Variants in PCDH15 observed in about 807,000 individuals in gnomAD.
PCDH15 encodes protocadherin-15.
In PCDH15, 129 loss-of-function variants were observed where a neutral mutation model predicts 178.5. The ratio of observed to expected loss-of-function variants is 0.72; its 90% CI spans 0.63 to 0.84. PCDH15 has a LOEUF of 0.84. Among genes scored for constraint, PCDH15 ranks in the 40% least tolerant of loss-of-function variants. The pLI is 0.00. For synonymous variants in PCDH15, 800 were observed against 732.0 expected (o/e 1.09, Z -1.50); for missense variants, 2,230 against 2,099.9 (o/e 1.06, Z -1.21).
chr10:55,458,777 A>G (rs1206933197), intron 2 of PCDH15, among the ~76,000 whole-genome samples: 1 of 152,090 alleles, frequency 6.6e-6, no homozygotes, highest in African/African-American at 2.4e-5. Flanking sequence ...TTCTTCATTC[A>G]TTAATCAAAG....
At chr10:54,304,523 A>C (rs1465973757) in intron 8 of PCDH15, among the ~76,000 whole-genome samples, 1 of 152,106 alleles carries the variant, frequency 6.6e-6, no homozygotes, top group Non-Finnish European at 1.5e-5. Context: ...TGTCCAAGGG[A>C]TAGGAAAAAA....
intron 9 of PCDH15, among the ~76,000 whole-genome samples, chr10:54,231,561 T>A (rs12250056): frequency 0.055 from 8,314 of 152,170 alleles, 563 homozygotes; most frequent in African/African-American, 0.17. Flanking sequence ...AGGCAACTAT[T>A]CTCCAGACCC....
At chr10:55,620,997 T>A (rs1843579823) in intron 2 of PCDH15, among the ~76,000 whole-genome samples, 1 of 151,776 alleles carries the variant, frequency 6.6e-6, no homozygotes, top group Non-Finnish European at 1.5e-5. Flanking sequence ...CATAATGCAT[T>A]AGTAAAAACT....
intron 1 of PCDH15, among the ~76,000 whole-genome samples, chr10:55,228,679 AGC>A (rs1206392613): frequency 6.6e-6 from 1 of 152,008 alleles, no homozygotes; most frequent in African/African-American, 2.4e-5. Context: ...AAATTACCCT[AGC>A]AAATATACAT....
chr10:55,060,506 A>C lies in PCDH15; in HGVS notation c.-80+106070T>G, dbSNP rs554862648. ...AAAGTCAAATGAGCTAATTTTGTGA[A>C]AGGACCAAGTATTATGTATAATTAA... On this transcript the variant is annotated intron_variant, in intron 2 of 5. Transcript: ENST00000458638. Among the ~76,000 whole-genome samples, 3 of 152,128 alleles carry C rather than the reference A, an allele frequency of 2.0e-5. No homozygotes were observed. In the East Asian group the frequency reaches 5.8e-4, roughly 29 times the overall value.
At chr10:54,003,815 CAAAGCTAGACAAAGAGACATCCAA>C (rs1356070708) in intron 20 of PCDH15, among the ~76,000 whole-genome samples, 2 of 145,396 alleles carry the variant, frequency 1.4e-5, no homozygotes, top group Admixed American at 1.4e-4. Flanking sequence ...ATACTGATAC[CAAAGCTAGACAAAGAGACATCCAA>C]AAAAGAAACT....
intron 7 of PCDH15, among the ~76,000 whole-genome samples, chr10:54,326,556 G>T (rs1938155540): frequency 1.3e-5 from 2 of 152,024 alleles, no homozygotes; most frequent in African/African-American, 2.4e-5. Context: ...CTAGCTAATT[G>T]TAACCAGAAC....
chr10:54,567,050 T>C (rs923132478), intron 2 of PCDH15, among the ~76,000 whole-genome samples: 5 of 152,176 alleles, frequency 3.3e-5, no homozygotes, highest in Non-Finnish European at 5.9e-5. Flanking sequence ...TGTTATCTCA[T>C]TATTATTTAA....
intron 1 of PCDH15, among the ~76,000 whole-genome samples, chr10:55,177,347 CT>C (rs939747792): frequency 7.9e-5 from 12 of 152,108 alleles, no homozygotes; most frequent in Non-Finnish European, 1.3e-4. Context: ...TGAAACAAGC[CT>C]TGTCTGAGGC....
intron 3 of PCDH15, among the ~76,000 whole-genome samples, chr10:54,506,713 A>G (rs999068824): frequency 1.3e-5 from 2 of 152,028 alleles, no homozygotes; most frequent in African/African-American, 4.8e-5. Flanking sequence ...CAGTGTTTGC[A>G]TTTCAGTAAG....
chr10:53,959,898 A>G, intron 22 of PCDH15, 54 bp from the exon 23 acceptor site: 1 of 1,321,352 alleles, frequency 7.6e-7, no homozygotes, highest in Non-Finnish European at 1.1e-6. Flanking sequence ...ACAGCGTAAC[A>G]GCACAATTTT....
intron 2 of PCDH15, among the ~76,000 whole-genome samples, chr10:54,621,584 GTCTC>G (rs1432161661): frequency 1.3e-5 from 2 of 151,876 alleles, no homozygotes; most frequent in Non-Finnish European, 2.9e-5. Flanking sequence ...TGAATACATA[GTCTC>G]TATCTATTTT....
intron 23 of PCDH15, among the ~76,000 whole-genome samples, chr10:53,948,242 T>C (rs2086734689): frequency 6.6e-6 from 1 of 152,114 alleles, no homozygotes; most frequent in Non-Finnish European, 1.5e-5. Flanking sequence ...GACAATAAAT[T>C]ATATGGTCTT....
chr10:54,997,036 G>C (rs1266711435), intron 2 of PCDH15, among the ~76,000 whole-genome samples: 1 of 151,654 alleles, frequency 6.6e-6, no homozygotes, highest in Non-Finnish European at 1.5e-5. Context: ...TTGAAGCCTG[G>C]AGGTGGAGGT....
chr10:54,391,411 A>G (rs1950532425), intron 3 of PCDH15, among the ~76,000 whole-genome samples: 1 of 152,064 alleles, frequency 6.6e-6, no homozygotes, highest in Non-Finnish European at 1.5e-5. Flanking sequence ...CAAGTCAAGC[A>G]CCAATTACTA....
intron 1 of PCDH15, among the ~76,000 whole-genome samples, chr10:55,306,191 G>T (rs1049084177): frequency 1.3e-5 from 2 of 152,102 alleles, no homozygotes; most frequent in Admixed American, 6.5e-5. Context: ...CTAATAAAAA[G>T]AATCAACCAT....
intron 2 of PCDH15, among the ~76,000 whole-genome samples, chr10:54,996,193 G>T (rs144828518): frequency 6.6e-6 from 1 of 152,086 alleles, no homozygotes. Context: ...TTTCGCCAGA[G>T]CTTGGTCTCA....
intron 3 of PCDH15, among the ~76,000 whole-genome samples, chr10:54,434,079 T>C (rs949038366): frequency 3.9e-5 from 6 of 152,148 alleles, no homozygotes; most frequent in African/African-American, 7.2e-5. Context: ...TTAAAAAGTA[T>C]ACATTTAACA....
intron 13 of PCDH15, among the ~76,000 whole-genome samples, chr10:54,182,552 T>C (rs1177966211): frequency 6.6e-6 from 1 of 151,826 alleles, no homozygotes; most frequent in African/African-American, 2.4e-5. Context: ...AAATAACTTA[T>C]TTAAGTGTAA....
Sources: gnomAD v4.1 joint callset for allele counts (sites outside exome capture counted in the v4.1 genomes callset) on GRCh38, gnomAD v4.1.1 for gene constraint, MANE v1.5 for transcripts, NCBI Gene and HGNC (gene_info 2026-07-23, HGNC 2026-07-21) for gene names.